The following CNTNAP3B variants were observed in gnomAD, a reference collection of about 807,000 sequenced individuals.
CNTNAP3B encodes contactin associated protein family member 3B, also known as contactin-associated protein-like 3B.
In CNTNAP3B, 25 loss-of-function variants were observed where a neutral mutation model predicts 108.9. That is an observed-to-expected ratio of 0.23 (90% CI 0.17 to 0.32). CNTNAP3B has a LOEUF of 0.32. Ranked by LOEUF, CNTNAP3B falls within the 10% of genes least tolerant of loss-of-function variation. The pLI, the probability that CNTNAP3B is intolerant of heterozygous loss-of-function variation, is 1.00. For missense variants in CNTNAP3B, 252 were observed against 1,210.4 expected (o/e 0.21, Z 11.75); for synonymous variants, 103 against 473.4 (o/e 0.22, Z 10.16).
At chr9:41,931,434 G>A (rs955987548) in intron 14 of CNTNAP3B, among the ~76,000 whole-genome samples, 9 of 152,366 alleles carry the variant, frequency 5.9e-5, no homozygotes, top group African/African-American at 2.2e-4. Context: ...CTCGACTTTT[G>A]TACCCATTAA....
At chr9:42,021,734 T>G (rs1439755612) in intron 3 of CNTNAP3B, among the ~76,000 whole-genome samples, 1 of 118,818 alleles carries the variant, frequency 8.4e-6, no homozygotes, top group East Asian at 2.6e-4. Context: ...CTAGAAATTT[T>G]CTGTCTATGA....
chr9:42,032,866 C>T (rs2118486648), intron 3 of CNTNAP3B, among the ~76,000 whole-genome samples: 2 of 132,946 alleles, frequency 1.5e-5, no homozygotes, highest in East Asian at 4.7e-4. Flanking sequence ...CCTCACATGG[C>T]AGTGCTCTCT....
intron 12 of CNTNAP3B, among the ~76,000 whole-genome samples, chr9:41,959,474 C>A (rs62557289): frequency 9.3e-3 from 1,407 of 151,568 alleles, no homozygotes; most frequent in East Asian, 0.036. Context: ...CTTTTCTGAG[C>A]CTTGATTTCC....
At chr9:42,103,418 TAA>T (rs1156658774) in intron 2 of CNTNAP3B, among the ~76,000 whole-genome samples, 11 of 47,704 alleles carry the variant, frequency 2.3e-4, no homozygotes, top group Admixed American at 4.4e-4. Context: ...AACAGGGAGT[TAA>T]AAAAAAAAAA....
At chr9:42,113,620 C>A (rs1434427038) in intron 1 of CNTNAP3B, among the ~76,000 whole-genome samples, 1 of 139,348 alleles carries the variant, frequency 7.2e-6, no homozygotes, top group Admixed American at 7.1e-5. Context: ...ACAAATGTAT[C>A]CACAGCTGTG....
At chr9:42,091,634 TTAAAC>T (rs1363407187) in intron 2 of CNTNAP3B, among the ~76,000 whole-genome samples, 1 of 31,602 alleles carries the variant, frequency 3.2e-5, no homozygotes, top group South Asian at 1.1e-3. Context: ...TATTAATACT[TTAAAC>T]TATACAATTC....
At chr9:42,030,824 GA>G (rs1826511528) in intron 3 of CNTNAP3B, among the ~76,000 whole-genome samples, 1 of 121,442 alleles carries the variant, frequency 8.2e-6, no homozygotes, top group African/African-American at 3.4e-5. Flanking sequence ...GAGAGAGAGA[GA>G]GAGAGAGAGA....
chr9:41,922,325 G>T (rs985073463), intron 17 of CNTNAP3B, among the ~76,000 whole-genome samples: 12 of 133,134 alleles, frequency 9.0e-5, no homozygotes, highest in Non-Finnish European at 1.6e-4. Context: ...TTAGCCAGGC[G>T]TGGTGGCACC....
chr9:41,916,534 T>A (rs1823521474), intron 18 of CNTNAP3B, among the ~76,000 whole-genome samples: 1 of 152,118 alleles, frequency 6.6e-6, no homozygotes, highest in African/African-American at 2.4e-5. Context: ...AATTCTCTGC[T>A]TTTTGTAAGT....
chr9:42,098,962 G>A (rs1174456106), intron 2 of CNTNAP3B, among the ~76,000 whole-genome samples: 2 of 135,888 alleles, frequency 1.5e-5, no homozygotes, highest in Non-Finnish European at 3.1e-5. Flanking sequence ...CACATCCGAA[G>A]GGCTGGTGCA....
chr9:42,103,339 G>A (rs1470337039), intron 2 of CNTNAP3B, among the ~76,000 whole-genome samples: 2 of 146,220 alleles, frequency 1.4e-5, no homozygotes, highest in Non-Finnish European at 3.0e-5. Context: ...ACAAATGCCA[G>A]AACATATTTA....
intron 14 of CNTNAP3B, among the ~76,000 whole-genome samples, chr9:41,933,613 C>T (rs1251889339): frequency 2.0e-5 from 3 of 152,282 alleles, no homozygotes; most frequent in African/African-American, 7.2e-5. Context: ...TCAATACTGA[C>T]TGACCATAAA....
At chr9:42,087,113 T>A (rs937483635) in intron 2 of CNTNAP3B, among the ~76,000 whole-genome samples, 2 of 142,280 alleles carry the variant, frequency 1.4e-5, no homozygotes, top group African/African-American at 2.7e-5. Flanking sequence ...ATAATCAGAT[T>A]GTTACTACTA....
chr9:41,962,853 G>A (rs1419695574), intron 11 of CNTNAP3B, among the ~76,000 whole-genome samples: 1 of 152,138 alleles, frequency 6.6e-6, no homozygotes, highest in Admixed American at 6.5e-5. Flanking sequence ...TACTCGGGAG[G>A]CTGAGGCAGG....
At chr9:42,125,963 G>T (rs1828561699) in intron 1 of CNTNAP3B, among the ~76,000 whole-genome samples, 1 of 133,374 alleles carries the variant, frequency 7.5e-6, no homozygotes, top group Admixed American at 7.6e-5. Flanking sequence ...AAAATTAAGA[G>T]TCTGTTACTC....
intron 10 of CNTNAP3B, among the ~76,000 whole-genome samples, chr9:41,969,124 G>T (rs1375692079): frequency 1.3e-5 from 2 of 152,202 alleles, no homozygotes; most frequent in East Asian, 3.8e-4. Context: ...TTTTAAATCT[G>T]TAGCATTTAT....
rs752657687 is a variant in CNTNAP3B at position 42,128,154 on chromosome 9, G to A, written c.85+856C>T. ...CTCTGATAGAGATTTACTCCAAGCC[G>A]AAAAAAAAATGTGCAATGTTGTGTA... is the stretch of plus-strand genomic sequence containing the variant. On this transcript the variant is annotated intron_variant, in intron 1 of 23. Transcript: ENST00000377561. Among the ~76,000 whole-genome samples the A allele has an allele frequency of 2.8e-3, 381 of 134,748 alleles. 51 individuals are homozygous for A. The highest frequency in any genetic ancestry group is 3.7e-3 in the Non-Finnish European group (236 of 63,684). The allele number at this position is 134,748 out of a possible 152,430, so 88.4% of individuals were successfully genotyped here. A position where few individuals can be genotyped will look rare whatever the true frequency, so the allele number is the denominator to read the frequency against.
chr9:42,078,436 A>G (rs1447647396), intron 2 of CNTNAP3B, among the ~76,000 whole-genome samples: 2 of 140,184 alleles, frequency 1.4e-5, no homozygotes, highest in Non-Finnish European at 3.1e-5. Context: ...TACGATAAGC[A>G]CCTCTAAAGT....
intron 12 of CNTNAP3B, among the ~76,000 whole-genome samples, chr9:41,957,984 G>T (rs1259257480): frequency 6.6e-6 from 1 of 152,144 alleles, no homozygotes; most frequent in Non-Finnish European, 1.5e-5. Flanking sequence ...GGATGGTCTC[G>T]ATCTCCTGAC....
Sources: gnomAD v4.1 joint callset for allele counts (sites outside exome capture counted in the v4.1 genomes callset) on GRCh38, gnomAD v4.1.1 for gene constraint, MANE v1.5 for transcripts, NCBI Gene and HGNC (gene_info 2026-07-23, HGNC 2026-07-21) for gene names.